The following DYNC2LI1 variants were observed in gnomAD, a reference collection of about 807,000 sequenced individuals.
The protein encoded by DYNC2LI1 is cytoplasmic dynein 2 light intermediate chain 1.
In DYNC2LI1, 45 loss-of-function variants were observed where a neutral mutation model predicts 51.9. The observed-to-expected ratio is 0.87, with a 90% confidence interval of 0.68 to 1.11. The LOEUF (loss-of-function observed/expected upper bound fraction) is 1.11, where lower values mean the gene tolerates loss of function less well. Among genes scored for constraint, DYNC2LI1 ranks in the 50% most tolerant of loss-of-function variants. The probability of loss-of-function intolerance (pLI) is 0.00; values close to 1 mark genes in which losing one functional copy is unlikely to be tolerated. For missense variants in DYNC2LI1, 490 were observed against 417.4 expected (o/e 1.17, Z -1.51); for synonymous variants, 130 against 137.8 (o/e 0.94, Z 0.40).
rs1464033285 is a variant in DYNC2LI1, at chr2:43,774,062, T to C, written c.-77T>C. 6.2e-7 allele frequency: 1 copy of C among 1,600,058 alleles called. No homozygotes were observed. Among genetic ancestry groups the C allele is most frequent in the East Asian group, 2.3e-5 (1 of 44,112 alleles). On this transcript the variant is annotated 5_prime_UTR_variant, in exon 1 of 13. Transcript: ENST00000260605. The stretch of plus-strand genomic sequence containing the variant: ...CCAGAAGGCCTCACTCCCAGACTCC[T>C]TGCGGAGCTCGCCGCCTGATTCTAG...
At chr2:43,777,659 C>T (rs1004632465) in intron 2 of DYNC2LI1, among the ~76,000 whole-genome samples, 1 of 152,216 alleles carries the variant, frequency 6.6e-6, no homozygotes, top group African/African-American at 2.4e-5. Context: ...TTGACAAATA[C>T]GAAGCTTTCA....
intron 12 of DYNC2LI1, among the ~76,000 whole-genome samples, chr2:43,806,098 G>C (rs957122097): frequency 5.9e-5 from 9 of 151,976 alleles, no homozygotes; most frequent in Non-Finnish European, 8.8e-5. Context: ...TGGCCAGGCT[G>C]GTCTTGAACT....
the DYNC2LI1 span, among the ~76,000 whole-genome samples, chr2:43,827,819 A>G: frequency 3.3e-5 from 5 of 152,184 alleles, no homozygotes; most frequent in African/African-American, 1.2e-4. Context: ...AATGAACTGT[A>G]CAGCATTTCC....
At chr2:43,795,859 C>T (rs752032942) in intron 6 of DYNC2LI1, 31 bp from the exon 7 acceptor site, 1 of 1,572,636 alleles carries the variant, frequency 6.4e-7, no homozygotes, top group Non-Finnish European at 8.7e-7. Context: ...TAAAGAATTA[C>T]AACAACTCAA....
At chr2:43,805,952 G>A (rs937542932) in intron 12 of DYNC2LI1, among the ~76,000 whole-genome samples, 6 of 151,646 alleles carry the variant, frequency 4.0e-5, no homozygotes, top group Admixed American at 3.3e-4. Flanking sequence ...CATGACCTCG[G>A]CTCACTACAA....
intron 5 of DYNC2LI1, among the ~76,000 whole-genome samples, chr2:43,790,059 C>A (rs865953003): frequency 6.6e-5 from 10 of 152,320 alleles, no homozygotes; most frequent in Middle Eastern, 3.4e-3. Context: ...TGTTATCCAT[C>A]TCAGTATGAG....
In DYNC2LI1 at chr2:43,800,141, A is replaced by G. The variant is rs73923884; in HGVS notation, c.655-700A>G. Among the ~76,000 whole-genome samples, 932 of 152,280 alleles carry G rather than the reference A, an allele frequency of 6.1e-3. 7 individuals are homozygous for G. The highest frequency in any genetic ancestry group is 0.021 in the African/African-American group (892 of 41,556). On this transcript the variant is annotated intron_variant, in intron 8 of 12. Coordinates refer to ENST00000260605, the MANE Select transcript of DYNC2LI1 (RefSeq NM_016008.4). ...GACTTTTGGTATCTACAGAAATCCA[A>G]TCTAGCTTTTAAAGATCTGTAGGGT...
chr2:43,795,903 T>C lies in DYNC2LI1; in HGVS notation c.521T>C (p.Ile174Thr), dbSNP rs144067195. The change falls in exon 7 of 13, where the codon ATT (isoleucine) becomes ACT (threonine). Residue 174 changes from isoleucine (I) to threonine (T), a missense_variant. Coordinates refer to ENST00000260605, the MANE Select transcript of DYNC2LI1 (RefSeq NM_016008.4). ...MPKDHPDHEL[I>T]DPFPVPLVII... ...GTTTATTAGCAGGATCATGAATTAATTGACCCATTTCCGGTACCTCTGGTC... is the reference window on the plus strand; with the variant it reads ...GTTTATTAGCAGGATCATGAATTAACTGACCCATTTCCGGTACCTCTGGTC... The C allele has an allele frequency of 1.1e-5, 18 of 1,612,692 alleles. No individual in the cohort carries two copies. In the African/African-American group the frequency reaches 1.3e-4, roughly 12 times the overall value.
chr2:43,813,709 G>GTTTTTTTTT (rs1214033245), downstream of DYNC2LI1, among the ~76,000 whole-genome samples: 19 of 34,062 alleles, frequency 5.6e-4, no homozygotes, highest in Admixed American at 1.8e-3. Flanking sequence ...TTTTTTTTTC[G>GTTTTTTTTT]TTTTTTTTTT....
At chr2:43,813,921 G>A (rs1044712034), downstream of DYNC2LI1, among the ~76,000 whole-genome samples, 6 of 151,556 alleles carry the variant, frequency 4.0e-5, no homozygotes, top group Admixed American at 6.6e-5. Flanking sequence ...TTTTTGCCAC[G>A]TCGGCCAGGC....
At chr2:43,787,399 T>G (rs1387554017) in intron 4 of DYNC2LI1, 149 bp downstream of exon 4, 20 of 626,294 alleles carry the variant, frequency 3.2e-5, no homozygotes, top group Non-Finnish European at 5.3e-5. Flanking sequence ...TCAAATGCAG[T>G]GTGGCAGATA....
At chr2:43,790,432 C>G (rs1673725611) in intron 5 of DYNC2LI1, among the ~76,000 whole-genome samples, 1 of 152,080 alleles carries the variant, frequency 6.6e-6, no homozygotes, top group African/African-American at 2.4e-5. Context: ...AAGGGCTTGA[C>G]AATTAGTTGT....
intron 3 of DYNC2LI1, among the ~76,000 whole-genome samples, chr2:43,783,867 T>A (rs980851138): frequency 1.3e-5 from 2 of 152,244 alleles, no homozygotes; most frequent in Non-Finnish European, 2.9e-5. Flanking sequence ...TTGTTCTACC[T>A]AATCTACAAT....
chr2:43,826,459 C>T, the DYNC2LI1 span: 17 of 1,613,984 alleles, frequency 1.1e-5, no homozygotes, highest in African/African-American at 5.3e-5. Flanking sequence ...ACCAGGAGGA[C>T]GACAATCTGA....
intron 8 of DYNC2LI1, among the ~76,000 whole-genome samples, chr2:43,797,471 A>G (rs560953686): frequency 1.3e-5 from 2 of 151,788 alleles, no homozygotes; most frequent in South Asian, 2.1e-4. Flanking sequence ...CCATAGCAGG[A>G]CTAAACTTTA....
chr2:43,819,087 C>A, the DYNC2LI1 span, among the ~76,000 whole-genome samples: 8,868 of 152,140 alleles, frequency 0.058, 569 homozygotes, highest in African/African-American at 0.16. Flanking sequence ...CACACATATA[C>A]TTTTATATAG....
At chr2:43,804,166 G>T (rs1026362175) in intron 10 of DYNC2LI1, among the ~76,000 whole-genome samples, 2 of 152,074 alleles carry the variant, frequency 1.3e-5, no homozygotes, top group Admixed American at 6.6e-5. Context: ...CTGTATGTGG[G>T]TCTATTTCTT....
chr2:43,817,876 T>C, the DYNC2LI1 span, among the ~76,000 whole-genome samples: 7 of 151,394 alleles, frequency 4.6e-5, no homozygotes, highest in African/African-American at 1.7e-4. Context: ...CGCCACTGCA[T>C]TCCAGCCTGG....
At chr2:43,777,098 CTA>C (rs916043152) in intron 2 of DYNC2LI1, among the ~76,000 whole-genome samples, 199 bp downstream of exon 2, 5 of 152,026 alleles carry the variant, frequency 3.3e-5, no homozygotes, top group Admixed American at 6.6e-5. Flanking sequence ...TATATTTAAA[CTA>C]TTTTTTATTT....
Sources: gnomAD v4.1 joint callset for allele counts (sites outside exome capture counted in the v4.1 genomes callset) on GRCh38, gnomAD v4.1.1 for gene constraint, MANE v1.5 for transcripts, NCBI Gene and HGNC (gene_info 2026-07-23, HGNC 2026-07-21) for gene names.